DAB1: variants seen among roughly 807,000 people sequenced by gnomAD.
DAB1 encodes the protein disabled homolog 1.
Under a neutral mutation model 64.6 loss-of-function variants are expected in DAB1, and 15 were observed. The observed-to-expected ratio is 0.23, with a 90% CI of 0.16 to 0.36. The LOEUF (loss-of-function observed/expected upper bound fraction) is 0.36, where lower values mean the gene tolerates loss of function less well. DAB1 is among the 10% of genes least tolerant of loss of function. The probability of loss-of-function intolerance (pLI) is 1.00; values close to 1 mark genes in which losing one functional copy is unlikely to be tolerated. For synonymous variants in DAB1, 235 were observed against 251.9 expected (o/e 0.93, Z 0.64); for missense variants, 596 against 706.7 (o/e 0.84, Z 1.78).
intron 6 of DAB1, among the ~76,000 whole-genome samples, chr1:57,735,380 T>C (rs1221739982): frequency 6.6e-6 from 1 of 152,130 alleles, no homozygotes; most frequent in Non-Finnish European, 1.5e-5. Flanking sequence ...GAAGTTTCAA[T>C]GAAAAAATGA....
chr1:57,746,266 T>C (rs1185483477), intron 6 of DAB1, among the ~76,000 whole-genome samples: 1 of 152,202 alleles, frequency 6.6e-6, no homozygotes, highest in Non-Finnish European at 1.5e-5. Context: ...TAGGAATGCA[T>C]ATCCTCAGAG....
chr1:58,280,537 G>A (rs1661533595), intron 4 of DAB1, among the ~76,000 whole-genome samples: 1 of 152,174 alleles, frequency 6.6e-6, no homozygotes, highest in African/African-American at 2.4e-5. Flanking sequence ...AAAATGCTGA[G>A]CTTGATACCT....
intron 9 of DAB1, among the ~76,000 whole-genome samples, chr1:57,047,527 T>A (rs963476050): frequency 6.6e-5 from 10 of 152,228 alleles, no homozygotes; most frequent in Admixed American, 5.9e-4. Flanking sequence ...ATCCACACTC[T>A]GAGGAAGGGC....
chr1:58,417,708 T>A (rs1644734537), intron 3 of DAB1, among the ~76,000 whole-genome samples: 1 of 152,046 alleles, frequency 6.6e-6, no homozygotes, highest in South Asian at 2.1e-4. Context: ...AAAAAATAGG[T>A]CCTGGGAAGG....
intron 1 of DAB1, among the ~76,000 whole-genome samples, chr1:57,400,207 G>A (rs971194916): frequency 1.8e-4 from 28 of 152,130 alleles, no homozygotes; most frequent in African/African-American, 6.5e-4. Context: ...GTGTCTGCAA[G>A]TCCATGCAAG....
intron 5 of DAB1, among the ~76,000 whole-genome samples, chr1:58,030,648 C>G (rs1017065739): frequency 4.6e-5 from 7 of 152,194 alleles, no homozygotes; most frequent in African/African-American, 1.7e-4. Context: ...CTCAGAAAAG[C>G]CCCTGGGGTG....
intron 5 of DAB1, among the ~76,000 whole-genome samples, chr1:57,943,545 T>C (rs1201769537): frequency 6.6e-6 from 1 of 152,204 alleles, no homozygotes; most frequent in African/African-American, 2.4e-5. Context: ...TCATTCCACA[T>C]GCCTGTGTTT....
chr1:57,427,676 G>A (rs1166965937), upstream of DAB1, among the ~76,000 whole-genome samples: 3 of 151,994 alleles, frequency 2.0e-5, no homozygotes. Flanking sequence ...TGTAAACTAT[G>A]GGCATTTTAC....
chr1:58,478,902 A>G (rs1287026048), intron 3 of DAB1, among the ~76,000 whole-genome samples: 1 of 152,238 alleles, frequency 6.6e-6, no homozygotes, highest in Admixed American at 6.5e-5. Context: ...AGTGTAGAAC[A>G]TACAGCTTAT....
chr1:57,908,872 A>G (rs1644598388), intron 5 of DAB1, among the ~76,000 whole-genome samples: 1 of 152,176 alleles, frequency 6.6e-6, no homozygotes, highest in South Asian at 2.1e-4. Flanking sequence ...CTCTGACCCA[A>G]TTATAGGAAT....
chr1:58,532,513 GA>G (rs1423302504), intron 1 of DAB1, among the ~76,000 whole-genome samples: 1 of 152,022 alleles, frequency 6.6e-6, no homozygotes, highest in Non-Finnish European at 1.5e-5. Flanking sequence ...ATTTGTTTAA[GA>G]AAAAAAGATT....
chr1:58,287,881 G>T (rs1018111404), intron 4 of DAB1, among the ~76,000 whole-genome samples: 4 of 151,704 alleles, frequency 2.6e-5, no homozygotes, highest in Admixed American at 1.3e-4. Flanking sequence ...AATTCACTGG[G>T]TGTGGTAATG....
At chr1:57,020,897 A>G (rs1646594002) in intron 11 of DAB1, among the ~76,000 whole-genome samples, 1 of 152,200 alleles carries the variant, frequency 6.6e-6, no homozygotes, top group Non-Finnish European at 1.5e-5. Context: ...TGGCTGAATC[A>G]GGATCCAAAC....
At chr1:58,536,541 C>G in intron 1 of DAB1, 1 of 872,756 alleles carries the variant, frequency 1.1e-6, no homozygotes, top group Non-Finnish European at 2.0e-6. Flanking sequence ...CGATAAAAGT[C>G]TGAACTGTTC....
intron 5 of DAB1, among the ~76,000 whole-genome samples, chr1:57,890,835 T>C (rs929927168): frequency 2.0e-5 from 3 of 152,224 alleles, no homozygotes; most frequent in African/African-American, 7.2e-5. Flanking sequence ...TGATTTCTTC[T>C]GGCACAATGG....
At chr1:58,428,982 A>G (rs1049218890) in intron 3 of DAB1, among the ~76,000 whole-genome samples, 2 of 152,246 alleles carry the variant, frequency 1.3e-5, no homozygotes, top group Non-Finnish European at 1.5e-5. Context: ...GAAACGTTCA[A>G]TCTTGATCTG....
intron 6 of DAB1, among the ~76,000 whole-genome samples, chr1:57,783,106 CTT>C (rs58761251): frequency 1.0e-5 from 1 of 99,888 alleles, no homozygotes; most frequent in Non-Finnish European, 1.8e-5. Context: ...TCTCTCTTTT[CTT>C]TTTTTTTTTT....
At chr1:58,154,346 T>C (rs1044717425) in intron 4 of DAB1, among the ~76,000 whole-genome samples, 1 of 152,046 alleles carries the variant, frequency 6.6e-6, no homozygotes, top group Non-Finnish European at 1.5e-5. Context: ...GTAGAGTCCA[T>C]CCCGACCCTC....
chr1:58,137,961 T>C (rs891441790), intron 5 of DAB1, among the ~76,000 whole-genome samples: 3 of 152,134 alleles, frequency 2.0e-5, no homozygotes, highest in Admixed American at 6.6e-5. Context: ...AGGTCTGACA[T>C]TTGAGGGTTG....
Sources: allele counts gnomAD v4.1 joint callset (sites outside exome capture counted in the v4.1 genomes callset), GRCh38; gene constraint gnomAD v4.1.1; transcripts MANE v1.5; gene names NCBI Gene and HGNC (gene_info 2026-07-23, HGNC 2026-07-21).